MCC: variants seen among roughly 807,000 people sequenced by gnomAD.
MCC encodes MCC regulator of Wnt signaling pathway.
Under a neutral mutation model 116.2 loss-of-function variants are expected in MCC, and 90 were observed. The ratio of observed to expected loss-of-function variants is 0.77; its 90% CI spans 0.65 to 0.92. The LOEUF (loss-of-function observed/expected upper bound fraction) is 0.92. MCC is among the 40% of genes least tolerant of loss of function. The probability of loss-of-function intolerance (pLI) is 0.00; values close to 1 mark genes in which losing one functional copy is unlikely to be tolerated. For missense variants in MCC, 1,516 were observed against 1,312.2 expected (o/e 1.16, Z -2.40); for synonymous variants, 578 against 510.5 (o/e 1.13, Z -1.78).
At chr5:113,063,919 C>A (rs892848427) in intron 14 of MCC, 65 bp downstream of exon 14, 4 of 1,510,212 alleles carry the variant, frequency 2.6e-6, no homozygotes, top group Non-Finnish European at 3.6e-6. Context: ...TCACTGCACA[C>A]CAAGTCCAGT....
intron 2 of MCC, among the ~76,000 whole-genome samples, chr5:113,379,205 T>C (rs999357613): frequency 3.3e-5 from 5 of 152,210 alleles, no homozygotes; most frequent in African/African-American, 1.2e-4. Context: ...TAAGTTAAAG[T>C]TGCAAGAGAC....
At chr5:113,365,660 T>C (rs1036080312) in intron 2 of MCC, among the ~76,000 whole-genome samples, 1 of 152,202 alleles carries the variant, frequency 6.6e-6, no homozygotes, top group Non-Finnish European at 1.5e-5. Context: ...AAGAAATACC[T>C]GAGACTGGGT....
At chr5:113,194,614 C>T (rs1057110828) in intron 3 of MCC, among the ~76,000 whole-genome samples, 4 of 151,982 alleles carry the variant, frequency 2.6e-5, no homozygotes, top group Admixed American at 2.6e-4. Flanking sequence ...ACCAAGATTA[C>T]ATCACTGCAC....
At chr5:113,448,696 A>T (rs1403967932) in intron 1 of MCC, among the ~76,000 whole-genome samples, 1 of 152,046 alleles carries the variant, frequency 6.6e-6, no homozygotes, top group Non-Finnish European at 1.5e-5. Flanking sequence ...GTACCTTAAG[A>T]TTTTCTTCTC....
At chr5:113,206,057 C>A (rs1261079171) in intron 3 of MCC, among the ~76,000 whole-genome samples, 1 of 152,226 alleles carries the variant, frequency 6.6e-6, no homozygotes, top group African/African-American at 2.4e-5. Flanking sequence ...CACCACTGGA[C>A]AACTCAATCC....
intron 3 of MCC, among the ~76,000 whole-genome samples, chr5:113,295,555 C>T (rs144266058): frequency 6.6e-6 from 1 of 152,148 alleles, no homozygotes; most frequent in African/African-American, 2.4e-5. Flanking sequence ...TCCCCAACCC[C>T]CAGACCTTCC....
At chr5:113,295,126 G>C (rs572516025) in intron 3 of MCC, among the ~76,000 whole-genome samples, 4 of 151,490 alleles carry the variant, frequency 2.6e-5, no homozygotes, top group African/African-American at 7.3e-5. Context: ...AGTCCAGGAG[G>C]GGGAGTAGAA....
Position 113,040,562 on chromosome 5 carries a change from A to C in MCC, c.2756+2968T>G, listed in dbSNP as rs1211043345. Among the ~76,000 whole-genome samples the C allele has an allele frequency of 3.3e-5, 5 of 152,138 alleles. No homozygotes were observed. The East Asian group carries it at 9.6e-4, about 29-fold the overall frequency. The stretch of plus-strand genomic sequence containing the variant: ...TCGGCTGTGATTTAATACCTTCAAA[A>C]AAGGTGTTCGTTTCCATTTGATTTT... On this transcript the variant is annotated intron_variant, in intron 17 of 18. Transcript: ENST00000408903.
At chr5:113,378,220 A>G (rs1769031389) in intron 2 of MCC, among the ~76,000 whole-genome samples, 1 of 152,156 alleles carries the variant, frequency 6.6e-6, no homozygotes, top group South Asian at 2.1e-4. Flanking sequence ...TGTGGGTTTG[A>G]GGTCCTTCCT....
chr5:113,267,179 T>G (rs1380133696), intron 3 of MCC, among the ~76,000 whole-genome samples: 1 of 152,116 alleles, frequency 6.6e-6, no homozygotes, highest in African/African-American at 2.4e-5. Flanking sequence ...AGGCCCTCAG[T>G]GCTCAACCCT....
In MCC at chr5:113,071,158, T is replaced by C. The variant is rs747869321; in HGVS notation, c.1861A>G (p.Met621Val). 5.0e-6 allele frequency: 8 copies of C among 1,614,180 alleles called. No homozygotes were observed. The highest frequency in any genetic ancestry group is 6.8e-6 in the Non-Finnish European group (8 of 1,180,034). The stretch of plus-strand genomic sequence containing the variant: ...TCGTATTTTCCCACCAGCATGCTCA[T>C]CCTCTCGGCATTGCTTTTACATTCC... The part of the protein sequence containing the change: ...LEECKSNAER[M>V]SMLVGKYESN... Residue 621 changes from methionine to valine, a missense_variant, in exon 12 of 19, where the codon ATG becomes GTG. Met to Val is a conservative substitution (Grantham distance 21, BLOSUM62 1). Coordinates refer to ENST00000408903, the MANE Select transcript of MCC (RefSeq NM_001085377.2).
chr5:113,314,572 G>C (rs1157230105), intron 3 of MCC, among the ~76,000 whole-genome samples: 2 of 152,054 alleles, frequency 1.3e-5, no homozygotes, highest in African/African-American at 2.4e-5. Flanking sequence ...CTCCACCTTT[G>C]ACCCCACTTG....
intron 1 of MCC, chr5:113,436,501 G>T (rs1770869664): frequency 6.6e-6 from 1 of 152,204 alleles, no homozygotes; most frequent in Non-Finnish European, 1.5e-5. Context: ...TCGACACAGA[G>T]ACCTGAAGAC....
At position 113,178,527 on chromosome 5, in the gene MCC, C is replaced by T. The variant is rs572148278; in HGVS notation, c.628-27105G>A. 5.9e-5 allele frequency among the ~76,000 whole-genome samples: 9 copies of T among 152,274 alleles called. 1 individual carries two copies. The highest frequency in any genetic ancestry group is 2.2e-4 in the African/African-American group (9 of 41,538). On this transcript the variant is annotated intron_variant, in intron 3 of 18. Coordinates refer to ENST00000408903, the MANE Select transcript of MCC (RefSeq NM_001085377.2). ...AATAATAGAATCCCAACCCACTCTGCCTATGACAAGTGGCCACTCAACCAC... is the reference window on the plus strand; with the variant it reads ...AATAATAGAATCCCAACCCACTCTGTCTATGACAAGTGGCCACTCAACCAC...
chr5:113,380,498 G>GCTCA (rs1488071552), intron 2 of MCC, among the ~76,000 whole-genome samples: 12 of 125,138 alleles, frequency 9.6e-5, no homozygotes, highest in Admixed American at 8.3e-4. Context: ...ACAGTGCATT[G>GCTCA]CTCATTCATT....
intron 3 of MCC, among the ~76,000 whole-genome samples, chr5:113,204,077 T>C (rs1447348882): frequency 6.6e-6 from 1 of 152,122 alleles, no homozygotes; most frequent in Non-Finnish European, 1.5e-5. Context: ...GCAGCTGAGA[T>C]GAATAAGAGG....
chr5:113,438,625 ATG>A lies in MCC; in HGVS notation c.170+49618_170+49619del, dbSNP rs1180693317. ...CATTCTACTCCATTGGGCCCAAGTT[ATG>A]TACAAAATAATATTCAGTATAATAT... On this transcript the variant is annotated intron_variant, in intron 1 of 18. Transcript: ENST00000408903. Among the ~76,000 whole-genome samples, 40 of 152,296 alleles carry A rather than the reference ATG, an allele frequency of 2.6e-4. No homozygotes were observed. The East Asian group carries it at 7.7e-3, about 29-fold the overall frequency.
At chr5:113,435,626 T>C (rs7709110) in intron 1 of MCC, 45,806 of 152,458 alleles carry the variant, frequency 0.3, 8,864 homozygotes, top group African/African-American at 0.54. Flanking sequence ...GGTAGACAGC[T>C]TCCTGGCCCC....
rs1750446491 is a variant in MCC, at chr5:113,025,140, T to C, written c.*2162A>G. On this transcript the variant is annotated 3_prime_UTR_variant, in exon 19 of 19. Transcript: ENST00000408903. ...TTTCTGTGTCAGTGAAAATGAAAAC[T>C]GCCCATTTGATGCCTGCTTAATCAC... The C allele has an allele frequency of 6.6e-6, 1 of 152,108 alleles. No individual in the cohort carries two copies. Among genetic ancestry groups the C allele is most frequent in the Non-Finnish European group, 1.5e-5 (1 of 68,022 alleles). 9.4% of individuals were successfully genotyped at this position (152,108 alleles called of 1,614,324 possible). A position where few individuals can be genotyped will look rare whatever the true frequency, so the allele number is the denominator to read the frequency against.
Sources: gnomAD v4.1 joint callset for allele counts (sites outside exome capture counted in the v4.1 genomes callset) on GRCh38, gnomAD v4.1.1 for gene constraint, MANE v1.5 for transcripts, NCBI Gene and HGNC (gene_info 2026-07-23, HGNC 2026-07-21) for gene names.